The following NARS2 variants were observed in gnomAD, a reference collection of about 807,000 sequenced individuals.
The protein encoded by NARS2 is asparaginyl-tRNA synthetase 2, mitochondrial.
NARS2 carries 60 observed loss-of-function variants against 62.9 expected under a neutral mutation model. That is an observed-to-expected ratio of 0.95 (90% confidence interval 0.77 to 1.18). The LOEUF is 1.18. Among genes scored for constraint, NARS2 ranks in the 50% most tolerant of loss-of-function variants. NARS2 has a pLI of 0.00. For missense variants in NARS2, 619 were observed against 576.4 expected (o/e 1.07, Z -0.76); for synonymous variants, 196 against 200.0 (o/e 0.98, Z 0.17).
chr11:78,468,572 T>A (rs1257771752), intron 10 of NARS2, among the ~76,000 whole-genome samples: 5 of 151,348 alleles, frequency 3.3e-5, no homozygotes, highest in Non-Finnish European at 7.4e-5. Flanking sequence ...ACCCAGCTAA[T>A]TTTTTGTATT....
At chr11:78,459,796 G>C (rs899199194) in intron 11 of NARS2, among the ~76,000 whole-genome samples, 2 of 152,018 alleles carry the variant, frequency 1.3e-5, no homozygotes, top group African/African-American at 4.8e-5. Context: ...TGACATAGAG[G>C]AAAGTGTCAT....
chr11:78,442,286 T>C (rs962046669), intron 12 of NARS2, among the ~76,000 whole-genome samples: 1 of 152,190 alleles, frequency 6.6e-6, no homozygotes, highest in Non-Finnish European at 1.5e-5. Context: ...ATTCCACAAC[T>C]TTCTCAGGAC....
chr11:78,530,946 T>C (rs1300258209), intron 5 of NARS2, among the ~76,000 whole-genome samples: 1 of 152,216 alleles, frequency 6.6e-6, no homozygotes, highest in Non-Finnish European at 1.5e-5. Context: ...TTTTCTTTTA[T>C]ATTACAATTA....
At chr11:78,512,531 A>G (rs1192115333) in intron 6 of NARS2, among the ~76,000 whole-genome samples, 1 of 152,198 alleles carries the variant, frequency 6.6e-6, no homozygotes, top group African/African-American at 2.4e-5. Context: ...TGTGGCCACT[A>G]TAATGTATTT....
intron 7 of NARS2, among the ~76,000 whole-genome samples, chr11:78,489,364 G>A (rs1859718099): frequency 6.6e-6 from 1 of 152,126 alleles, no homozygotes; most frequent in African/African-American, 2.4e-5. Flanking sequence ...TTAGGGAAAT[G>A]CAAATTAAAA....
intron 4 of NARS2, among the ~76,000 whole-genome samples, chr11:78,562,105 T>G (rs570995141): frequency 6.6e-6 from 1 of 152,128 alleles, no homozygotes; most frequent in East Asian, 1.9e-4. Context: ...GCATAGCAAT[T>G]TGGAGACATT....
chr11:78,547,407 T>C (rs1855921841), intron 5 of NARS2, among the ~76,000 whole-genome samples: 1 of 151,648 alleles, frequency 6.6e-6, no homozygotes, highest in African/African-American at 2.4e-5. Context: ...GAAAAAAAAA[T>C]AGCCAATGAA....
At chr11:78,561,232 G>A (rs1342571768) in intron 4 of NARS2, among the ~76,000 whole-genome samples, 2 of 152,168 alleles carry the variant, frequency 1.3e-5, no homozygotes, top group Non-Finnish European at 2.9e-5. Flanking sequence ...GTTACCAAAT[G>A]CTAATAAAGG....
chr11:78,557,838 T>C (rs1316200643), intron 5 of NARS2, among the ~76,000 whole-genome samples: 15 of 136,908 alleles, frequency 1.1e-4, no homozygotes, highest in African/African-American at 4.7e-4. Flanking sequence ...ATATCTCTCT[T>C]ATATTTTATA....
At position 78,493,064 on chromosome 11, in the gene NARS2, T is replaced by G; in HGVS notation, c.821A>C (p.Gln274Pro). The change falls in exon 7 of 14, where the codon CAG becomes CCG. Residue 274 changes from glutamine to proline, a missense_variant and splice_region_variant. Gln to Pro is a moderately conservative substitution (Grantham distance 76, BLOSUM62 -1). Coordinates refer to ENST00000281038, the MANE Select transcript of NARS2 (RefSeq NM_024678.6). ...GTATTTTAAAACTTGTGTACCTACC[T>G]GCATAAGATCTTGAAGGCTGTCAAC... ...SFVDSLQDLMQVIEELFKATT... is the reference protein window; with the variant it reads ...SFVDSLQDLMPVIEELFKATT... 1 of 1,608,102 alleles carries G rather than the reference T, an allele frequency of 6.2e-7. No individual in the cohort carries two copies. The highest frequency in any genetic ancestry group is 8.5e-7 in the Non-Finnish European group (1 of 1,178,074).
chr11:78,507,148 C>T (rs531514784), intron 6 of NARS2, among the ~76,000 whole-genome samples: 221 of 150,968 alleles, frequency 1.5e-3, no homozygotes, highest in African/African-American at 5.2e-3. Flanking sequence ...GATTGTTACA[C>T]GCCCCTCCCC....
chr11:78,538,789 A>C (rs957058975), intron 5 of NARS2, among the ~76,000 whole-genome samples: 1 of 151,486 alleles, frequency 6.6e-6, no homozygotes, highest in African/African-American at 2.4e-5. Context: ...AGGTCAGGAG[A>C]TCGAGACCAT....
intron 4 of NARS2, among the ~76,000 whole-genome samples, chr11:78,563,278 C>T (rs1177387505): frequency 3.7e-5 from 5 of 133,904 alleles, no homozygotes; most frequent in South Asian, 2.4e-4. Context: ...AGTGCAGTGG[C>T]GCAATCTCGG....
At chr11:78,496,200 A>G (rs191612499) in intron 6 of NARS2, among the ~76,000 whole-genome samples, 1 of 152,334 alleles carries the variant, frequency 6.6e-6, no homozygotes, top group Admixed American at 6.5e-5. Flanking sequence ...CTTTAAGCAG[A>G]TGAATGTTTA....
At chr11:78,526,723 A>G (rs1861307903) in intron 6 of NARS2, among the ~76,000 whole-genome samples, 1 of 152,154 alleles carries the variant, frequency 6.6e-6, no homozygotes, top group South Asian at 2.1e-4. Flanking sequence ...GGAAAGAGGC[A>G]TATTTAATAC....
intron 6 of NARS2, among the ~76,000 whole-genome samples, chr11:78,510,656 T>C (rs1860687361): frequency 6.6e-6 from 1 of 152,172 alleles, no homozygotes; most frequent in South Asian, 2.1e-4. Flanking sequence ...TATGTGCATG[T>C]GTTATTTATT....
At chr11:78,532,296 T>C (rs534789123) in intron 5 of NARS2, among the ~76,000 whole-genome samples, 1 of 152,224 alleles carries the variant, frequency 6.6e-6, no homozygotes, top group South Asian at 2.1e-4. Context: ...AAATTAAGAA[T>C]TTCTATTTAA....
intron 10 of NARS2, among the ~76,000 whole-genome samples, chr11:78,468,581 T>C (rs1037910991): frequency 2.0e-5 from 3 of 151,518 alleles, no homozygotes; most frequent in Non-Finnish European, 2.9e-5. Context: ...ATTTTTTGTA[T>C]TTTTAGTAGA....
intron 5 of NARS2, among the ~76,000 whole-genome samples, chr11:78,557,967 T>C (rs891794593): frequency 6.6e-6 from 1 of 151,946 alleles, no homozygotes; most frequent in African/African-American, 2.4e-5. Context: ...TGGGTCTCTT[T>C]AACAATTCCT....
Sources: allele counts gnomAD v4.1 joint callset (sites outside exome capture counted in the v4.1 genomes callset), GRCh38; gene constraint gnomAD v4.1.1; transcripts MANE v1.5; gene names NCBI Gene and HGNC (gene_info 2026-07-23, HGNC 2026-07-21).